DOP1A: variants seen among roughly 807,000 people sequenced by gnomAD.
DOP1A encodes DOP1 leucine zipper like protein A.
A neutral mutation model predicts 267.6 loss-of-function variants in DOP1A; 90 were observed. The ratio of observed to expected loss-of-function variants is 0.34; its 90% CI spans 0.28 to 0.40. The LOEUF (loss-of-function observed/expected upper bound fraction) is 0.40, where lower values mean the gene tolerates loss of function less well. Among genes scored for constraint, DOP1A ranks in the 10% least tolerant of loss-of-function variants. DOP1A has a pLI of 1.00. For synonymous variants in DOP1A, 932 were observed against 999.1 expected, an observed-to-expected ratio of 0.93 and a Z score of 1.27; for missense variants, 2,437 against 2,900.4, an observed-to-expected ratio of 0.84 and a Z score of 3.67.
In DOP1A at chr6:83,153,600, G is replaced by T; in HGVS notation, c.6219G>T (p.Val2073=). 1 of 1,601,144 alleles carries T rather than the reference G, an allele frequency of 6.2e-7. No individual in the cohort carries two copies. The highest frequency in any genetic ancestry group is 8.5e-7 in the Non-Finnish European group (1 of 1,174,512). ...TTGTAAATATTATGCATTATGTTGT[G>T]CCCTACCTCAGAAATCACAGGTACT... The part of the protein sequence containing the change: ...PLLVNIMHYV[V]PYLRNHSAHN... The change falls in exon 31 of 39, where the codon GTG becomes GTT. Residue 2073 remains valine (V), a synonymous_variant. Transcript: ENST00000349129.
chr6:83,158,170 G>A (rs1783269314), intron 35 of DOP1A, among the ~76,000 whole-genome samples: 1 of 151,608 alleles, frequency 6.6e-6, no homozygotes, highest in Admixed American at 6.6e-5. Context: ...AGCTAATTTT[G>A]TTTTGTATTT....
intron 23 of DOP1A, 89 bp downstream of exon 23, chr6:83,140,492 G>A (rs1268360752): frequency 8.5e-6 from 9 of 1,057,486 alleles, no homozygotes; most frequent in Non-Finnish European, 1.1e-5. Context: ...AATTTGTGTA[G>A]TATTTACAGG....
At chr6:83,086,168 T>A (rs1312698658) in intron 1 of DOP1A, among the ~76,000 whole-genome samples, 3 of 152,138 alleles carry the variant, frequency 2.0e-5, no homozygotes, top group Non-Finnish European at 4.4e-5. Context: ...AATTTTTGAC[T>A]CCCCAAAAAC....
chr6:83,089,801 T>C (rs1046448502), intron 1 of DOP1A, among the ~76,000 whole-genome samples: 10 of 152,188 alleles, frequency 6.6e-5, no homozygotes, highest in African/African-American at 2.4e-4. Flanking sequence ...TGTAAATGTT[T>C]GATATAACGT....
chr6:83,161,532 A>G (rs143634029), intron 37 of DOP1A, among the ~76,000 whole-genome samples: 38 of 152,318 alleles, frequency 2.5e-4, no homozygotes, highest in African/African-American at 8.9e-4. Context: ...TGCATAATGT[A>G]TAAAAATAAC....
intron 3 of DOP1A, among the ~76,000 whole-genome samples, chr6:83,097,885 TTTA>T (rs1344892517): frequency 6.6e-6 from 1 of 151,098 alleles, no homozygotes; most frequent in Non-Finnish European, 1.5e-5. Context: ...TTTATTTTAT[TTTA>T]TTTTATTTTC....
At chr6:83,157,439 A>G (rs1053107715) in intron 35 of DOP1A, 121 bp downstream of exon 35, 3 of 1,043,684 alleles carry the variant, frequency 2.9e-6, no homozygotes, top group Admixed American at 4.7e-5. Flanking sequence ...TAAACCAGTT[A>G]CTGATGCTTT....
chr6:83,108,877 C>A, intron 4 of DOP1A, 33 bp from the exon 5 acceptor site: 2 of 1,569,384 alleles, frequency 1.3e-6, no homozygotes, highest in Non-Finnish European at 8.6e-7. Flanking sequence ...AGTTATTTTG[C>A]TTCCTTCTCC....
intron 4 of DOP1A, among the ~76,000 whole-genome samples, chr6:83,106,225 C>T (rs759085562): frequency 6.6e-6 from 1 of 151,916 alleles, no homozygotes; most frequent in South Asian, 2.1e-4. Flanking sequence ...ATGCAGTGCA[C>T]AAAGATGTTA....
chr6:83,162,416 A>G (rs1784447438), intron 37 of DOP1A, among the ~76,000 whole-genome samples: 2 of 152,130 alleles, frequency 1.3e-5, no homozygotes, highest in South Asian at 4.1e-4. Flanking sequence ...TCAGACTGTT[A>G]TGTTGCAGTA....
At chr6:83,075,979 A>G (rs1385402407) in intron 1 of DOP1A, among the ~76,000 whole-genome samples, 1 of 152,150 alleles carries the variant, frequency 6.6e-6, no homozygotes, top group Non-Finnish European at 1.5e-5. Flanking sequence ...AAGCAAAAAT[A>G]AAAAATAGGA....
At chr6:83,168,871 T>C (rs1353338984), downstream of DOP1A, 1 of 1,048,750 alleles carries the variant, frequency 9.5e-7, no homozygotes, top group Non-Finnish European at 1.2e-6. Context: ...AACATCATCT[T>C]GCTCATGTGA....
At position 83,125,620 on chromosome 6, in the gene DOP1A, T is replaced by A; in HGVS notation, c.1606T>A (p.Cys536Ser). Residue 536 changes from cysteine to serine, a missense_variant, in exon 15 of 39, where the codon TGC becomes AGC. Cys to Ser is a moderately radical substitution (Grantham distance 112). Transcript: ENST00000349129. ...TGAACTCACAGATTCTCTCAGACTC[T>A]GCTCAAAGATCCTTAGCAAGGTTCA... is the stretch of plus-strand genomic sequence containing the variant. ...LSELTDSLRL[C>S]SKILSKVQPP... 1 of 1,613,930 alleles carries A rather than the reference T, an allele frequency of 6.2e-7. No individual in the cohort carries two copies.
intron 38 of DOP1A, chr6:83,165,501 T>A (rs1166660684): frequency 1.3e-5 from 2 of 154,528 alleles, no homozygotes; most frequent in African/African-American, 2.4e-5. Flanking sequence ...AAATCTTTAT[T>A]AATTAAAATA....
chr6:83,167,466 C>T, intron 38 of DOP1A: 1 of 990,212 alleles, frequency 1.0e-6, no homozygotes, highest in South Asian at 4.6e-5. Context: ...GTATAAAGCA[C>T]TTTGTTCCTT....
chr6:83,130,586 T>C (rs192162141), intron 17 of DOP1A, among the ~76,000 whole-genome samples, 189 bp downstream of exon 17: 21 of 152,214 alleles, frequency 1.4e-4, no homozygotes, highest in African/African-American at 5.1e-4. Context: ...TTATTCCCAA[T>C]TTTGTGAGCA....
At chr6:83,094,275 C>T (rs1207279617) in intron 1 of DOP1A, among the ~76,000 whole-genome samples, 1 of 152,036 alleles carries the variant, frequency 6.6e-6, no homozygotes, top group South Asian at 2.1e-4. Context: ...AATAATATTC[C>T]ATGGTATTTT....
At chr6:83,128,039 G>A (rs566460788) in intron 15 of DOP1A, among the ~76,000 whole-genome samples, 1 of 152,186 alleles carries the variant, frequency 6.6e-6, no homozygotes, top group East Asian at 1.9e-4. Flanking sequence ...GGGTGACGAA[G>A]GTACCAAGAA....
chr6:83,073,228 A>G (rs12663087), intron 1 of DOP1A: 124,316 of 160,488 alleles, frequency 0.77, 48,256 homozygotes, highest in Middle Eastern at 0.83. Context: ...GACTACGGGC[A>G]TGTGCCACCA....
Sources: gnomAD v4.1 joint callset for allele counts (sites outside exome capture counted in the v4.1 genomes callset) on GRCh38, gnomAD v4.1.1 for gene constraint, MANE v1.5 for transcripts, NCBI Gene and HGNC (gene_info 2026-07-23, HGNC 2026-07-21) for gene names.